Variants in SPRED1 observed in about 807,000 individuals in gnomAD.
SPRED1 encodes sprouty related EVH1 domain containing 1, also known as sprouty-related, EVH1 domain-containing protein 1.
SPRED1 carries 18 observed loss-of-function variants against 52.3 expected under a neutral mutation model. The ratio of observed to expected loss-of-function variants is 0.34; its 90% CI spans 0.24 to 0.51. SPRED1 has a LOEUF of 0.51. Among genes scored for constraint, SPRED1 ranks in the 20% least tolerant of loss-of-function variants. SPRED1 has a pLI of 0.97. For missense variants in SPRED1, 485 were observed against 551.0 expected (o/e 0.88, Z 1.20); for synonymous variants, 155 against 179.7 (o/e 0.86, Z 1.10).
At chr15:38,297,104 T>G (rs867164211) in intron 1 of SPRED1, among the ~76,000 whole-genome samples, 1 of 152,178 alleles carries the variant, frequency 6.6e-6, no homozygotes, top group Non-Finnish European at 1.5e-5. Flanking sequence ...CCTCTGGACT[T>G]TCAAGCCTCT....
intron 2 of SPRED1, among the ~76,000 whole-genome samples, chr15:38,305,057 G>A (rs752131939): frequency 1.2e-4 from 19 of 152,032 alleles, no homozygotes; most frequent in Non-Finnish European, 2.1e-4. Flanking sequence ...GGCCAAGCAC[G>A]GTGGCTCACA....
chr15:38,259,433 T>C (rs1391389658), intron 1 of SPRED1, among the ~76,000 whole-genome samples: 2 of 152,130 alleles, frequency 1.3e-5, no homozygotes, highest in South Asian at 2.1e-4. Context: ...TTAAAATTTT[T>C]TGTGGTGATC....
chr15:38,263,716 G>A (rs1894248368), intron 1 of SPRED1, among the ~76,000 whole-genome samples: 1 of 152,174 alleles, frequency 6.6e-6, no homozygotes, highest in African/African-American at 2.4e-5. Context: ...GCTATAGGTT[G>A]AGGGTGTCCA....
rs376576386 is a variant in SPRED1 at position 38,275,620 on chromosome 15, C to T, written c.32+22403C>T. Among the ~76,000 whole-genome samples the T allele has an allele frequency of 1.2e-4, 19 of 152,272 alleles. No individual in the cohort carries two copies. In the East Asian group the frequency reaches 3.1e-3, roughly 25 times the overall value. ...TCAATCAATTCCCGTACCTCAGCCT[C>T]CCAAGTAGCTGGGACTACAGGTGCG... On this transcript the variant is annotated intron_variant, in intron 1 of 6. Coordinates refer to ENST00000299084, the MANE Select transcript of SPRED1 (RefSeq NM_152594.3).
intron 5 of SPRED1, among the ~76,000 whole-genome samples, 158 bp from the exon 6 acceptor site, chr15:38,349,264 G>A (rs1231655910): frequency 1.3e-5 from 2 of 152,044 alleles, no homozygotes; most frequent in African/African-American, 4.8e-5. Context: ...GTTTTTGTTT[G>A]TGTTTTAGGT....
At chr15:38,260,413 C>T (rs764020898) in intron 1 of SPRED1, among the ~76,000 whole-genome samples, 9 of 152,120 alleles carry the variant, frequency 5.9e-5, no homozygotes, top group African/African-American at 1.7e-4. Flanking sequence ...GCAGTATGAC[C>T]TCATCTTAAC....
At chr15:38,272,315 C>CTGGAG (rs1400051993) in intron 1 of SPRED1, among the ~76,000 whole-genome samples, 4 of 124,092 alleles carry the variant, frequency 3.2e-5, no homozygotes, top group Non-Finnish European at 4.8e-5. Flanking sequence ...GTTGCTGAGG[C>CTGGAG]TGGAGTGCAG....
chr15:38,348,272 C>T (rs1362573192), intron 5 of SPRED1, among the ~76,000 whole-genome samples: 2 of 151,928 alleles, frequency 1.3e-5, no homozygotes, highest in Non-Finnish European at 2.9e-5. Flanking sequence ...TTCATGCCTT[C>T]CCAGACCATT....
intron 2 of SPRED1, among the ~76,000 whole-genome samples, chr15:38,315,735 A>G (rs2140989950): frequency 6.6e-6 from 1 of 152,064 alleles, no homozygotes; most frequent in Non-Finnish European, 1.5e-5. Context: ...TGTATCTGTC[A>G]CTCAAACACC....
intron 4 of SPRED1, among the ~76,000 whole-genome samples, chr15:38,325,038 A>C (rs1353297908): frequency 6.6e-6 from 1 of 152,170 alleles, no homozygotes; most frequent in Non-Finnish European, 1.5e-5. Flanking sequence ...AGGTCTTGCT[A>C]TGTTGCTCAA....
Position 38,311,281 on chromosome 15 carries a change from A to C in SPRED1, c.208-10960A>C, listed in dbSNP as rs546028232. Among the ~76,000 whole-genome samples, 3 of 152,264 alleles carry C rather than the reference A, an allele frequency of 2.0e-5. No individual in the cohort carries two copies. The South Asian group carries it at 6.2e-4, about 32-fold the overall frequency. ...TTTCTGCAATAAATCCCACTTGGTC[A>C]TGGTGTATAATTTTTGATACGTTGT... On this transcript the variant is annotated intron_variant, in intron 2 of 6. Coordinates refer to ENST00000299084, the MANE Select transcript of SPRED1 (RefSeq NM_152594.3).
chr15:38,317,360 G>C (rs1895508944), intron 2 of SPRED1, among the ~76,000 whole-genome samples: 2 of 152,058 alleles, frequency 1.3e-5, no homozygotes, highest in Non-Finnish European at 2.9e-5. Context: ...TTGGTAATTA[G>C]TCTAACTTCC....
intron 4 of SPRED1, among the ~76,000 whole-genome samples, chr15:38,334,103 G>T (rs1404186350): frequency 6.6e-6 from 1 of 151,928 alleles, no homozygotes; most frequent in East Asian, 1.9e-4. Flanking sequence ...AGGTCAAAAT[G>T]ACTGATTATT....
At chr15:38,313,501 A>G (rs1895410605) in intron 2 of SPRED1, among the ~76,000 whole-genome samples, 1 of 151,904 alleles carries the variant, frequency 6.6e-6, no homozygotes, top group Admixed American at 6.6e-5. Context: ...TCAATGGGTG[A>G]AATCTTGTTG....
At chr15:38,279,611 T>C (rs148570142) in intron 1 of SPRED1, among the ~76,000 whole-genome samples, 1 of 152,334 alleles carries the variant, frequency 6.6e-6, no homozygotes, top group African/African-American at 2.4e-5. Flanking sequence ...TTACCAGTTA[T>C]GTGGTTCTGG....
chr15:38,349,563 T>A, intron 6 of SPRED1, 40 bp downstream of exon 6: 2 of 986,064 alleles, frequency 2.0e-6, no homozygotes, highest in Non-Finnish European at 3.0e-6. Context: ...GGAATTTAAC[T>A]AATTAATAGA....
At position 38,322,344 on chromosome 15, in the gene SPRED1, A is replaced by G. The variant is rs748376033; in HGVS notation, c.311A>G (p.Gln104Arg). 1.4e-5 allele frequency: 23 copies of G among 1,613,948 alleles called. No individual in the cohort carries two copies. Among genetic ancestry groups the G allele is most frequent in the Non-Finnish European group, 1.9e-5 (23 of 1,179,898 alleles). ...IDDKKFGLTF[Q>R]SPADARAFDR... ...GACAAGAAGTTTGGTCTTACGTTTC[A>G]AAGTCCTGCTGATGCTAGGGCTTTT... Residue 104 changes from glutamine to arginine, a missense_variant, in exon 3 of 7, where the codon CAA becomes CGA. By Grantham distance (43) the Gln-to-Arg change is conservative. This residue lies in a region of SPRED1 where 232 missense variants were observed against 231.8 expected (regional missense o/e 1.00). Coordinates refer to ENST00000299084, the MANE Select transcript of SPRED1 (RefSeq NM_152594.3).
intron 1 of SPRED1, among the ~76,000 whole-genome samples, chr15:38,267,893 C>T (rs990863312): frequency 6.6e-6 from 1 of 152,142 alleles, no homozygotes; most frequent in Non-Finnish European, 1.5e-5. Flanking sequence ...TACATACACG[C>T]ACGTATGCCC....
At chr15:38,341,119 TTGTC>T (rs1313568691) in intron 5 of SPRED1, among the ~76,000 whole-genome samples, 2 of 151,944 alleles carry the variant, frequency 1.3e-5, no homozygotes, top group African/African-American at 2.4e-5. Context: ...TACAGTAACT[TTGTC>T]TGTTTCATCC....
Sources: gnomAD v4.1 joint callset for allele counts (sites outside exome capture counted in the v4.1 genomes callset) on GRCh38, gnomAD v4.1.1 for gene constraint, gnomAD v4.1.1 regional missense constraint, MANE v1.5 for transcripts, NCBI Gene and HGNC (gene_info 2026-07-23, HGNC 2026-07-21) for gene names.